The following RALGAPA2 variants were observed in gnomAD, a reference collection of about 807,000 sequenced individuals.
The protein encoded by RALGAPA2 is Ral GTPase activating protein catalytic subunit alpha 2.
A neutral mutation model predicts 230.4 loss-of-function variants in RALGAPA2; 139 were observed. The observed-to-expected ratio is 0.60, with a 90% CI of 0.53 to 0.69. RALGAPA2 has a LOEUF of 0.69. Ranked by LOEUF, RALGAPA2 falls within the 30% of genes least tolerant of loss-of-function variation. The probability of loss-of-function intolerance (pLI) is 0.00; values close to 1 mark genes in which losing one functional copy is unlikely to be tolerated. For missense variants in RALGAPA2, 2,163 were observed against 2,276.0 expected (o/e 0.95, Z 1.01); for synonymous variants, 847 against 837.8 (o/e 1.01, Z -0.19).
chr20:20,674,068 C>T (rs2068234118), intron 3 of RALGAPA2, among the ~76,000 whole-genome samples: 1 of 151,824 alleles, frequency 6.6e-6, no homozygotes, highest in Non-Finnish European at 1.5e-5. Flanking sequence ...TCGTGATGCA[C>T]ACGTGTAGTC....
intron 24 of RALGAPA2, among the ~76,000 whole-genome samples, chr20:20,545,166 G>A (rs926734732): frequency 6.6e-6 from 1 of 152,054 alleles, no homozygotes; most frequent in Non-Finnish European, 1.5e-5. Context: ...AGTATGAAAA[G>A]TTGTCATAAT....
rs200853897 is a variant in RALGAPA2 at position 20,458,856 on chromosome 20, CTA to C, written c.5495+13971_5495+13972del. ...TATATAGACCTATATATATATAGAC[CTA>C]TATATATATATATATATACACACAC... On this transcript the variant is annotated intron_variant, in intron 37 of 39. Coordinates refer to ENST00000202677, the MANE Select transcript of RALGAPA2 (RefSeq NM_020343.4). 1.5e-3 allele frequency among the ~76,000 whole-genome samples: 132 copies of C among 88,188 alleles called. 1 individual carries two copies. Among genetic ancestry groups the C allele is most frequent in the South Asian group, 3.2e-3 (9 of 2,854 alleles). 57.9% of individuals were successfully genotyped at this position (88,188 alleles called of 152,430 possible). A position where few individuals can be genotyped will look rare whatever the true frequency, so the allele number is the denominator to read the frequency against.
intron 37 of RALGAPA2, among the ~76,000 whole-genome samples, chr20:20,447,908 T>A (rs999656833): frequency 4.6e-5 from 7 of 152,180 alleles, no homozygotes; most frequent in South Asian, 2.1e-4. Context: ...CTACAAATGT[T>A]AGAGAAGGGA....
At chr20:20,559,045 T>C (rs1269598248) in intron 23 of RALGAPA2, among the ~76,000 whole-genome samples, 1 of 152,230 alleles carries the variant, frequency 6.6e-6, no homozygotes, top group Admixed American at 6.5e-5. Flanking sequence ...AACTTCTGGT[T>C]TGTTCCCTTA....
chr20:20,504,348 A>G (rs957116771), intron 34 of RALGAPA2, among the ~76,000 whole-genome samples: 3 of 152,150 alleles, frequency 2.0e-5, no homozygotes, highest in African/African-American at 7.2e-5. Flanking sequence ...ATGTACTCTT[A>G]CCCTGTTTCC....
intron 12 of RALGAPA2, among the ~76,000 whole-genome samples, chr20:20,619,018 A>G (rs1014818504): frequency 1.3e-5 from 2 of 152,238 alleles, no homozygotes; most frequent in Admixed American, 1.3e-4. Flanking sequence ...TATTCACTAT[A>G]TAATAATCTC....
rs1236177215 is a variant in RALGAPA2 at position 20,605,396 on chromosome 20, C to G, written c.1817G>C (p.Trp606Ser). The G allele has an allele frequency of 6.2e-7, 1 of 1,613,562 alleles. No individual in the cohort carries two copies. Among genetic ancestry groups the G allele is most frequent in the East Asian group, 2.2e-5 (1 of 44,828 alleles). The change falls in exon 15 of 40, where the codon TGG (tryptophan) becomes TCG (serine). Residue 606 changes from tryptophan (W) to serine (S), a missense_variant. By Grantham distance (177) the Trp-to-Ser change is radical. Coordinates refer to ENST00000202677, the MANE Select transcript of RALGAPA2 (RefSeq NM_020343.4). The stretch of plus-strand genomic sequence containing the variant: ...GTACACACAGAGGTTTGCTCGGATC[C>G]AAGCTACCATGAGCGTCTAAAACCA... ...GLLFRTLMVA[W>S]IRANLCVYIS...
intron 1 of RALGAPA2, among the ~76,000 whole-genome samples, chr20:20,685,545 A>G (rs1274118419): frequency 6.6e-6 from 1 of 152,252 alleles, no homozygotes; most frequent in Non-Finnish European, 1.5e-5. Flanking sequence ...AAGGTAACAC[A>G]GCCTGTTGGG....
At chr20:20,688,251 A>G (rs1035683440) in intron 1 of RALGAPA2, among the ~76,000 whole-genome samples, 1 of 152,090 alleles carries the variant, frequency 6.6e-6, no homozygotes, top group Non-Finnish European at 1.5e-5. Flanking sequence ...GGTTGCGGTG[A>G]GCCAACACTG....
chr20:20,463,140 T>G (rs1213954646), intron 37 of RALGAPA2, among the ~76,000 whole-genome samples: 6 of 152,290 alleles, frequency 3.9e-5, no homozygotes, highest in Non-Finnish European at 8.8e-5. Flanking sequence ...TTTTTTTTTT[T>G]TTGTTAAAGA....
intron 10 of RALGAPA2, among the ~76,000 whole-genome samples, chr20:20,623,021 C>T (rs1487853815): frequency 6.6e-6 from 1 of 151,770 alleles, no homozygotes; most frequent in Admixed American, 6.6e-5. Flanking sequence ...TACAAATGAC[C>T]GTAAAACTAA....
chr20:20,402,911 T>G (rs986111066), intron 38 of RALGAPA2, among the ~76,000 whole-genome samples: 1 of 152,222 alleles, frequency 6.6e-6, no homozygotes, highest in Non-Finnish European at 1.5e-5. Context: ...CTGTTCTTCC[T>G]GCCCACCCTG....
rs542755245 is a variant in RALGAPA2, at chr20:20,621,820, A to G, written c.1234-1190T>C. 1.5e-4 allele frequency among the ~76,000 whole-genome samples: 23 copies of G among 152,364 alleles called. No homozygotes were observed. The East Asian group carries it at 4.4e-3, about 29-fold the overall frequency. ...GGGGAACAAGAGGGAGAGGTTCCCC[A>G]TACTCAGATGCTTTAATGTCACAGA... is the stretch of plus-strand genomic sequence containing the variant. On this transcript the variant is annotated intron_variant, in intron 10 of 39. Coordinates refer to ENST00000202677, the MANE Select transcript of RALGAPA2 (RefSeq NM_020343.4).
At chr20:20,442,112 C>T (rs1009346768) in intron 37 of RALGAPA2, among the ~76,000 whole-genome samples, 1 of 152,202 alleles carries the variant, frequency 6.6e-6, no homozygotes, top group Admixed American at 6.5e-5. Flanking sequence ...AGCACCAAGC[C>T]GGGGTGTGAA....
At chr20:20,446,659 A>G (rs1185354526) in intron 37 of RALGAPA2, among the ~76,000 whole-genome samples, 1 of 152,226 alleles carries the variant, frequency 6.6e-6, no homozygotes, top group East Asian at 1.9e-4. Flanking sequence ...TACAAAGCTG[A>G]CCTGCGTGGC....
chr20:20,697,452 A>G (rs2069158793), intron 1 of RALGAPA2, among the ~76,000 whole-genome samples: 2 of 152,230 alleles, frequency 1.3e-5, no homozygotes, highest in South Asian at 4.1e-4. Flanking sequence ...TATTAGCACA[A>G]AAGTCAATGA....
intron 27 of RALGAPA2, among the ~76,000 whole-genome samples, chr20:20,528,431 T>C (rs2063282538): frequency 1.3e-5 from 2 of 151,938 alleles, no homozygotes; most frequent in Admixed American, 6.6e-5. Context: ...GTGTGAGGGA[T>C]GGACTTGGGC....
rs192186710 is a variant in RALGAPA2, at chr20:20,396,629, T to G, written c.*35+66A>C. 1.8e-3 allele frequency: 2,682 copies of G among 1,457,538 alleles called. 28 individuals are homozygous for G. In the African/African-American group the frequency reaches 0.021, roughly 11 times the overall value. The allele number at this position is 1,457,538 out of a possible 1,614,324, so 90.3% of individuals were successfully genotyped here. ...GGGTCCGCTACCGAGGGCAGCCGAT[T>G]AGAAAAGTCCCACCCCCTCCCCAAA... is the stretch of plus-strand genomic sequence containing the variant. On this transcript the variant is annotated intron_variant, in intron 39 of 39. Transcript: ENST00000202677.
At chr20:20,614,407 A>T (rs1426848176) in intron 13 of RALGAPA2, among the ~76,000 whole-genome samples, 1 of 152,370 alleles carries the variant, frequency 6.6e-6, no homozygotes, top group South Asian at 2.1e-4. Context: ...TTCAAAGGAA[A>T]AAAACATTAA....
Sources: allele counts gnomAD v4.1 joint callset (sites outside exome capture counted in the v4.1 genomes callset), GRCh38; gene constraint gnomAD v4.1.1; transcripts MANE v1.5; gene names NCBI Gene and HGNC (gene_info 2026-07-23, HGNC 2026-07-21).